The following SNX33 variants were observed in gnomAD, a reference collection of about 807,000 sequenced individuals.
SNX33 encodes sorting nexin-33.
In SNX33, 19 loss-of-function variants were observed where a neutral mutation model predicts 38.8. The observed-to-expected ratio is 0.49, with a 90% confidence interval of 0.34 to 0.72. The LOEUF is 0.72. SNX33 is among the 30% of genes least tolerant of loss of function. The pLI is 0.01. For missense variants in SNX33, 641 were observed against 776.4 expected (o/e 0.83, Z 2.07); for synonymous variants, 246 against 289.7 (o/e 0.85, Z 1.53).
intron 1 of SNX33, among the ~76,000 whole-genome samples, chr15:75,652,075 G>C (rs1015193364): frequency 4.1e-5 from 6 of 146,988 alleles, no homozygotes; most frequent in African/African-American, 1.5e-4. Flanking sequence ...ACACAAACCT[G>C]AGTGCTAGTC....
chr15:75,656,222 C>T (rs551036683), intron 1 of SNX33, among the ~76,000 whole-genome samples: 200 of 152,162 alleles, frequency 1.3e-3, no homozygotes, highest in Non-Finnish European at 2.3e-3. Context: ...GCACAGGTGA[C>T]ATGGGAGAGA....
At position 75,658,261 on chromosome 15, in the gene SNX33, T is replaced by C. The variant is rs4886726; in HGVS notation, c.*1046T>C. The C allele has an allele frequency of 0.27, 41,379 of 152,518 alleles. 6,137 individuals carry two copies. The highest frequency in any genetic ancestry group is 0.39 in the African/African-American group (16,086 of 41,454). The allele number at this position is 152,518 out of a possible 1,614,324, so 9.4% of individuals were successfully genotyped here. A position where few individuals can be genotyped will look rare whatever the true frequency, so the allele number is the denominator to read the frequency against. ...TCGAAGCAGGTCCAAACCCAGGATC[T>C]CAGGGTCCTTGGGCTCTGTGGCACT... On this transcript the variant is annotated 3_prime_UTR_variant, in exon 2 of 2. Coordinates refer to ENST00000308527, the MANE Select transcript of SNX33 (RefSeq NM_153271.2). The surrounding 1 kb of genome is among the most constrained non-coding windows in gnomAD (Gnocchi z 4.1).
At position 75,647,941 on chromosome 15, in the gene SNX33, T is replaced by C. The variant is rs558318322; in HGVS notation, c.-1162T>C. The C allele has an allele frequency of 1.0e-6, 1 of 985,208 alleles. No homozygotes were observed. The highest frequency in any genetic ancestry group is 1.7e-5 in the African/African-American group (1 of 57,198). The allele number at this position is 985,208 out of a possible 1,614,324, so 61.0% of individuals were successfully genotyped here. Reference sequence around the variant, plus strand: ...TTTTGTTTTGGAGCTGCCTTCTCGCTGGCGGAGCGGAGGGTCTGCGAGCGC... The same window carrying C: ...TTTTGTTTTGGAGCTGCCTTCTCGCCGGCGGAGCGGAGGGTCTGCGAGCGC... On this transcript the variant is annotated 5_prime_UTR_variant, in exon 1 of 2. Coordinates refer to ENST00000308527, the MANE Select transcript of SNX33 (RefSeq NM_153271.2).
At chr15:75,651,902 A>T (rs946367460) in intron 1 of SNX33, among the ~76,000 whole-genome samples, 2 of 152,178 alleles carry the variant, frequency 1.3e-5, no homozygotes, top group Non-Finnish European at 2.9e-5. Context: ...GCCTGGGGTA[A>T]GCTGGCCTTG....
chr15:75,657,185 G>A lies in SNX33; in HGVS notation c.1695G>A (p.Glu565=). 1 of 1,614,138 alleles carries A rather than the reference G, an allele frequency of 6.2e-7. No individual in the cohort carries two copies. Among genetic ancestry groups the A allele is most frequent in the Non-Finnish European group, 8.5e-7 (1 of 1,180,002 alleles). ...ACCAGCGGGTGGGCCAGCAGCTGGA[G>A]AAGACCCTGCGCATGTATGACAACC... is the stretch of plus-strand genomic sequence containing the variant. ...LFYQRVGQQL[E]KTLRMYDNL Residue 565 remains glutamate (E), a synonymous_variant, in exon 2 of 2, where the codon GAG becomes GAA. Transcript: ENST00000308527. The surrounding 1 kb of genome is among the most constrained non-coding windows in gnomAD (Gnocchi z 5.5).
chr15:75,649,529 C>T lies in SNX33; in HGVS notation c.427C>T (p.Leu143Phe). The change falls in exon 1 of 2, where the codon CTC becomes TTC. Residue 143 changes from leucine (L) to phenylalanine (F), a missense_variant. Coordinates refer to ENST00000308527, the MANE Select transcript of SNX33 (RefSeq NM_153271.2). The surrounding 1 kb of genome is among the most constrained non-coding windows in gnomAD (Gnocchi z 6.6). The stretch of plus-strand genomic sequence containing the variant: ...GCTGGGCACCAACGGGCACCCTCCC[C>T]TCAACCTCTCCTACCCTGGTGCCTA... ...GGLGTNGHPP[L>F]NLSYPGAYPS... 1 of 1,598,620 alleles carries T rather than the reference C, an allele frequency of 6.3e-7. No individual in the cohort carries two copies. The highest frequency in any genetic ancestry group is 1.3e-5 in the African/African-American group (1 of 74,684).
In SNX33 at chr15:75,649,418, C is replaced by A. The variant is rs1429731578; in HGVS notation, c.316C>A (p.Gln106Lys). ...SGGGSGFLSN[Q>K]GSFEEDDDDD... Reference sequence around the variant, plus strand: ...TGGGGGCAGTGGCTTCCTCTCAAACCAGGGTAGCTTTGAGGAGGATGATGA... The same window carrying A: ...TGGGGGCAGTGGCTTCCTCTCAAACAAGGGTAGCTTTGAGGAGGATGATGA... Residue 106 changes from glutamine (Q) to lysine (K), a missense_variant, in exon 1 of 2, where the codon CAG becomes AAG. Physicochemically the swap from Gln to Lys is moderately conservative, Grantham distance 53 (BLOSUM62 1). Around this residue, in one of 2 missense-constraint regions of SNX33, gnomAD observed 243 missense variants for 233.9 expected, o/e 1.04. Transcript: ENST00000308527. The surrounding 1 kb of genome is among the most constrained non-coding windows in gnomAD (Gnocchi z 6.6). The A allele has an allele frequency of 6.5e-7, 1 of 1,539,488 alleles. No individual in the cohort carries two copies. Among genetic ancestry groups the A allele is most frequent in the Non-Finnish European group, 8.8e-7 (1 of 1,140,644 alleles).
chr15:75,648,630 A>C lies in SNX33; in HGVS notation c.-473A>C. 2.5e-6 allele frequency: 2 copies of C among 799,250 alleles called. No individual in the cohort carries two copies. The highest frequency in any genetic ancestry group is 3.0e-6 in the Non-Finnish European group (2 of 659,956). The allele number at this position is 799,250 out of a possible 1,614,324, so 49.5% of individuals were successfully genotyped here. A position where few individuals can be genotyped will look rare whatever the true frequency, so the allele number is the denominator to read the frequency against. ...TCCCAAAGCGAGAGCCGCCAAAAGAATCTGGGAGCCAGAGGGACAGCCGAG... is the reference window on the plus strand; with the variant it reads ...TCCCAAAGCGAGAGCCGCCAAAAGACTCTGGGAGCCAGAGGGACAGCCGAG... On this transcript the variant is annotated 5_prime_UTR_variant, in exon 1 of 2. Transcript: ENST00000308527. This position sits in a 1 kb window ranked among gnomAD's most constrained non-coding sequence, Gnocchi z 4.4.
chr15:75,650,507 C>T lies in SNX33; in HGVS notation c.1405C>T (p.Leu469=). 6.2e-7 allele frequency: 1 copy of T among 1,613,740 alleles called. No homozygotes were observed. Among genetic ancestry groups the T allele is most frequent in the South Asian group, 1.1e-5 (1 of 91,030 alleles). The stretch of plus-strand genomic sequence containing the variant: ...GCCCAAGAATGACCTCTTCCAGATG[C>T]TGGACACACTGTCTCTCTACCAGGG... ...EQPKNDLFQM[L]DTLSLYQGLL... is the part of the protein sequence containing the mutation. Residue 469 remains leucine (L), a synonymous_variant, in exon 1 of 2, where the codon CTG becomes TTG. Transcript: ENST00000308527. This position sits in a 1 kb window ranked among gnomAD's most constrained non-coding sequence, Gnocchi z 6.1.
chr15:75,650,449 C>T lies in SNX33; in HGVS notation c.1347C>T (p.Thr449=). The change falls in exon 1 of 2, where the codon ACC becomes ACT. Residue 449 remains threonine, a synonymous_variant. Coordinates refer to ENST00000308527, the MANE Select transcript of SNX33 (RefSeq NM_153271.2). The surrounding 1 kb of genome is among the most constrained non-coding windows in gnomAD (Gnocchi z 6.1). ...GTGCCATTTCTCACACGGGCCGTACCTATGAAGCCATCGGGGAGATGTTTG... is the reference window on the plus strand; with the variant it reads ...GTGCCATTTCTCACACGGGCCGTACTTATGAAGCCATCGGGGAGATGTTTG... ...LNSAISHTGR[T]YEAIGEMFAE... The T allele has an allele frequency of 1.2e-6, 2 of 1,614,164 alleles. No homozygotes were observed. The highest frequency in any genetic ancestry group is 1.7e-6 in the Non-Finnish European group (2 of 1,180,044).
chr15:75,648,511 C>A lies in SNX33; in HGVS notation c.-592C>A. On this transcript the variant is annotated 5_prime_UTR_variant, in exon 1 of 2. Transcript: ENST00000308527. The surrounding 1 kb of genome is among the most constrained non-coding windows in gnomAD (Gnocchi z 4.4). ...AGGCGGCTGCTGCTTTTCTCCTTGCCCCTCTTGGATTTTCCGGATTTTTGA... is the reference window on the plus strand; with the variant it reads ...AGGCGGCTGCTGCTTTTCTCCTTGCACCTCTTGGATTTTCCGGATTTTTGA... The A allele has an allele frequency of 1.0e-6, 1 of 985,448 alleles. No individual in the cohort carries two copies. Among genetic ancestry groups the A allele is most frequent in the African/African-American group, 1.7e-5 (1 of 57,338 alleles). The allele number at this position is 985,448 out of a possible 1,614,324, so 61.0% of individuals were successfully genotyped here. A position where few individuals can be genotyped will look rare whatever the true frequency, so the allele number is the denominator to read the frequency against.
rs1893524832 is a variant in SNX33, at chr15:75,648,366, G to T, written c.-737G>T. On this transcript the variant is annotated 5_prime_UTR_variant, in exon 1 of 2. Transcript: ENST00000308527. The surrounding 1 kb of genome is among the most constrained non-coding windows in gnomAD (Gnocchi z 4.4). ...GCGGGGAGAGGGCGCCCGAGCCGGCGGGGGCTCCGGCTGCGCAGCCGGGGT... is the reference window on the plus strand; with the variant it reads ...GCGGGGAGAGGGCGCCCGAGCCGGCTGGGGCTCCGGCTGCGCAGCCGGGGT... 1.0e-6 allele frequency: 1 copy of T among 985,428 alleles called. No homozygotes were observed. Among genetic ancestry groups the T allele is most frequent in the Non-Finnish European group, 1.2e-6 (1 of 829,962 alleles). The allele number at this position is 985,428 out of a possible 1,614,324, so 61.0% of individuals were successfully genotyped here. A position where few individuals can be genotyped will look rare whatever the true frequency, so the allele number is the denominator to read the frequency against.
At chr15:75,656,934 A>G (rs1893658794) in intron 1 of SNX33, 28 bp from the exon 2 acceptor site, 2 of 1,602,462 alleles carry the variant, frequency 1.2e-6, no homozygotes, top group South Asian at 2.2e-5. Flanking sequence ...GAGCCCTCAC[A>G]CGCTGTCCTC....
Position 75,650,461 on chromosome 15 carries a change from C to T in SNX33, c.1359C>T (p.Ile453=), listed in dbSNP as rs768908212. 23 of 1,614,008 alleles carry T rather than the reference C, an allele frequency of 1.4e-5. No individual in the cohort carries two copies. The East Asian group carries it at 1.8e-4, about 13-fold the overall frequency. The change falls in exon 1 of 2, where the codon ATC becomes ATT. Residue 453 remains isoleucine (I), a synonymous_variant. Coordinates refer to ENST00000308527, the MANE Select transcript of SNX33 (RefSeq NM_153271.2). The surrounding 1 kb of genome is among the most constrained non-coding windows in gnomAD (Gnocchi z 6.1). ...ACACGGGCCGTACCTATGAAGCCAT[C>T]GGGGAGATGTTTGCTGAGCAGCCCA... ...ISHTGRTYEA[I]GEMFAEQPKN...
intron 1 of SNX33, among the ~76,000 whole-genome samples, chr15:75,654,109 A>G (rs1893621857): frequency 6.6e-6 from 1 of 151,816 alleles, no homozygotes; most frequent in African/African-American, 2.4e-5. Context: ...AAAAAAAAAA[A>G]AAAAAAGAAA....
rs776505387 is a variant in SNX33, at chr15:75,649,101, C to T, written c.-2C>T. 1 of 1,582,766 alleles carries T rather than the reference C, an allele frequency of 6.3e-7. No homozygotes were observed. ...CATCTTTCTATACCACCCAGCCCAG[C>T]CATGGCACTGAAAGGCCGAGCCCTC... On this transcript the variant is annotated 5_prime_UTR_variant, in exon 1 of 2. Coordinates refer to ENST00000308527, the MANE Select transcript of SNX33 (RefSeq NM_153271.2). This position sits in a 1 kb window ranked among gnomAD's most constrained non-coding sequence, Gnocchi z 6.6.
At chr15:75,652,320 G>C (rs901682576) in intron 1 of SNX33, among the ~76,000 whole-genome samples, 3 of 152,198 alleles carry the variant, frequency 2.0e-5, no homozygotes, top group Non-Finnish European at 4.4e-5. Flanking sequence ...AGGCCTGCTG[G>C]GGGCCCACTG....
chr15:75,656,917 G>C (rs962706643), intron 1 of SNX33, 45 bp from the exon 2 acceptor site: 10 of 1,590,188 alleles, frequency 6.3e-6, no homozygotes, highest in Non-Finnish European at 8.6e-6. Context: ...GGAGCACATG[G>C]AGATCAGAGC....
At chr15:75,654,290 C>T (rs1239466601) in intron 1 of SNX33, among the ~76,000 whole-genome samples, 2 of 152,206 alleles carry the variant, frequency 1.3e-5, no homozygotes, top group East Asian at 1.9e-4. Context: ...AAGCACTATA[C>T]CGTGTGAGAG....
Sources: gnomAD v4.1 joint callset for allele counts (sites outside exome capture counted in the v4.1 genomes callset) on GRCh38, gnomAD v4.1.1 for gene constraint, gnomAD v4.1.1 regional missense constraint, Gnocchi (gnomAD v3.1) non-coding constraint, MANE v1.5 for transcripts, NCBI Gene and HGNC (gene_info 2026-07-23, HGNC 2026-07-21) for gene names.